Variants in ZBTB16 observed in about 807,000 individuals in gnomAD.
The protein encoded by ZBTB16 is zinc finger and BTB domain containing 16.
In ZBTB16, 8 loss-of-function variants were observed where a neutral mutation model predicts 56.8. That is an observed-to-expected ratio of 0.14 (90% CI 0.08 to 0.25). The LOEUF (loss-of-function observed/expected upper bound fraction) is 0.25. Among genes scored for constraint, ZBTB16 ranks in the 10% least tolerant of loss-of-function variants. The pLI is 1.00. For missense variants in ZBTB16, 625 were observed against 903.0 expected, an observed-to-expected ratio of 0.69 and a Z score of 3.95; for synonymous variants, 363 against 368.5, an observed-to-expected ratio of 0.98 and a Z score of 0.17.
chr11:114,171,087 G>T (rs1365276869), intron 3 of ZBTB16, among the ~76,000 whole-genome samples: 1 of 152,148 alleles, frequency 6.6e-6, no homozygotes, highest in Non-Finnish European at 1.5e-5. Flanking sequence ...GTATAGGCTC[G>T]AGAGGGACAG....
chr11:114,236,716 C>A (rs1944599457), intron 4 of ZBTB16, among the ~76,000 whole-genome samples: 1 of 152,214 alleles, frequency 6.6e-6, no homozygotes, highest in Admixed American at 6.5e-5. Flanking sequence ...GATTGTCTTA[C>A]AACCCCTTAT....
chr11:114,072,090 T>C (rs1424156120), intron 2 of ZBTB16, among the ~76,000 whole-genome samples: 2 of 152,228 alleles, frequency 1.3e-5, no homozygotes, highest in Admixed American at 6.5e-5. Flanking sequence ...TTCTTGTCAT[T>C]GTGTGAAGTA....
intron 2 of ZBTB16, among the ~76,000 whole-genome samples, chr11:114,082,038 T>C (rs985186962): frequency 3.4e-5 from 5 of 149,108 alleles, no homozygotes; most frequent in African/African-American, 1.2e-4. Flanking sequence ...TCCCAGTGCT[T>C]TGGGAGGCCA....
intron 2 of ZBTB16, among the ~76,000 whole-genome samples, chr11:114,098,955 A>T (rs1474267482): frequency 6.6e-6 from 1 of 152,206 alleles, no homozygotes; most frequent in Non-Finnish European, 1.5e-5. Context: ...GCACTGCCGA[A>T]TTCTACAGTA....
At chr11:114,132,710 C>T (rs1424390451) in intron 2 of ZBTB16, among the ~76,000 whole-genome samples, 5 of 152,202 alleles carry the variant, frequency 3.3e-5, no homozygotes. Flanking sequence ...TTGAGTCCAT[C>T]TCGAGCATTG....
intron 4 of ZBTB16, chr11:114,189,836 A>C (rs1231067397): frequency 6.6e-6 from 1 of 152,186 alleles, no homozygotes; most frequent in Non-Finnish European, 1.5e-5. Context: ...GTATACAGCC[A>C]AGAGAAGTGA....
At chr11:114,187,418 A>C (rs1591762972) in intron 4 of ZBTB16, 5 of 262,810 alleles carry the variant, frequency 1.9e-5, no homozygotes, top group Middle Eastern at 1.4e-3. Flanking sequence ...TGAAACTGAA[A>C]CCCTCGTGTG....
At chr11:114,101,842 A>T (rs1940618463) in intron 2 of ZBTB16, among the ~76,000 whole-genome samples, 1 of 152,186 alleles carries the variant, frequency 6.6e-6, no homozygotes, top group African/African-American at 2.4e-5. Flanking sequence ...CTATAGGGAG[A>T]TACATTCATA....
chr11:114,096,736 C>T (rs182946344), intron 2 of ZBTB16, among the ~76,000 whole-genome samples: 2 of 152,318 alleles, frequency 1.3e-5, no homozygotes, highest in African/African-American at 2.4e-5. Flanking sequence ...CAGCATTTTA[C>T]GGGCACTTTT....
chr11:114,218,583 TG>T (rs1944160538), intron 4 of ZBTB16, among the ~76,000 whole-genome samples: 1 of 152,222 alleles, frequency 6.6e-6, no homozygotes, highest in South Asian at 2.1e-4. Context: ...ATAAAGACTT[TG>T]TGGTTGAGTT....
rs115261323 is a variant in ZBTB16 at position 114,170,957 on chromosome 11, G to A, written c.1366+14523G>A. On this transcript the variant is annotated intron_variant, in intron 3 of 6. Coordinates refer to ENST00000335953, the MANE Select transcript of ZBTB16 (RefSeq NM_006006.6). Reference sequence around the variant, plus strand: ...GGCTACTATCTTGCCTGAATATCCCGGATCTCCCAGTGCCTTCATTGGGGC... The same window carrying A: ...GGCTACTATCTTGCCTGAATATCCCAGATCTCCCAGTGCCTTCATTGGGGC... 5.1e-3 allele frequency among the ~76,000 whole-genome samples: 776 copies of A among 152,292 alleles called. 9 individuals carry two copies. Among genetic ancestry groups the A allele is most frequent in the African/African-American group, 0.018 (732 of 41,564 alleles).
intron 3 of ZBTB16, among the ~76,000 whole-genome samples, chr11:114,158,983 G>A (rs557780678): frequency 2.0e-5 from 3 of 152,354 alleles, no homozygotes; most frequent in South Asian, 2.1e-4. Flanking sequence ...CCCCTGGCTC[G>A]TATTGTATCC....
chr11:114,242,043 G>A, intron 4 of ZBTB16, 124 bp from the exon 5 acceptor site: 2 of 1,314,448 alleles, frequency 1.5e-6, no homozygotes, highest in Non-Finnish European at 2.1e-6. Context: ...GCCCACTCTG[G>A]ATTTGCCCCT....
intron 2 of ZBTB16, among the ~76,000 whole-genome samples, chr11:114,136,426 C>T (rs1941799470): frequency 1.3e-5 from 2 of 152,126 alleles, no homozygotes; most frequent in African/African-American, 4.8e-5. Flanking sequence ...TGTCCACAGG[C>T]TGTCAGTAGG....
At chr11:114,123,884 C>T (rs868566560) in intron 2 of ZBTB16, among the ~76,000 whole-genome samples, 3 of 152,128 alleles carry the variant, frequency 2.0e-5, no homozygotes, top group Non-Finnish European at 2.9e-5. Context: ...CAGGCTGCTA[C>T]GGGAGCCTTT....
At position 114,252,186 on chromosome 11, in the gene ZBTB16, G is replaced by A. The variant is rs533503618; in HGVS notation, c.*1631G>A. ...GCACTAGGGAGTCACTTTTGGCTCC[G>A]CTGGTGCATGAAGTCACCTGTGGCC... On this transcript the variant is annotated 3_prime_UTR_variant, in exon 7 of 7. Coordinates refer to ENST00000335953, the MANE Select transcript of ZBTB16 (RefSeq NM_006006.6). Among the ~76,000 whole-genome samples the A allele has an allele frequency of 6.6e-6, 1 of 152,184 alleles. No individual in the cohort carries two copies. Among genetic ancestry groups the A allele is most frequent in the South Asian group, 2.1e-4 (1 of 4,814 alleles).
Position 114,256,299 on chromosome 11 carries a change from G to A in ZBTB16, c.*5744G>A, listed in dbSNP as rs1241261583. ...TTCACTTATTCAGCAAGACCACCAT[G>A]TACCAGTTACTGTTGTCGGCGCTGG... is the stretch of plus-strand genomic sequence containing the variant. On this transcript the variant is annotated 3_prime_UTR_variant, in exon 7 of 7. Transcript: ENST00000335953. Among the ~76,000 whole-genome samples, 3 of 152,324 alleles carry A rather than the reference G, an allele frequency of 2.0e-5. No individual in the cohort carries two copies. Among genetic ancestry groups the A allele is most frequent in the Admixed American group, 6.5e-5 (1 of 15,298 alleles).
intron 3 of ZBTB16, among the ~76,000 whole-genome samples, chr11:114,175,723 C>T (rs1943093011): frequency 6.6e-6 from 1 of 152,098 alleles, no homozygotes; most frequent in African/African-American, 2.4e-5. Flanking sequence ...AGGGACCAGC[C>T]TGGAGAAAGT....
chr11:114,235,703 CT>C (rs762738627), intron 4 of ZBTB16, among the ~76,000 whole-genome samples: 15 of 100,790 alleles, frequency 1.5e-4, no homozygotes, highest in South Asian at 3.2e-4. Context: ...TTCTTTCTTT[CT>C]TTTCTTTCTT....
Sources: gnomAD v4.1 joint callset for allele counts (sites outside exome capture counted in the v4.1 genomes callset) on GRCh38, gnomAD v4.1.1 for gene constraint, MANE v1.5 for transcripts, NCBI Gene and HGNC (gene_info 2026-07-23, HGNC 2026-07-21) for gene names.